The following CRAMP1 variants were observed in gnomAD, a reference collection of about 807,000 sequenced individuals.
The protein encoded by CRAMP1 is cramped chromatin regulator 1.
Under a neutral mutation model 115.4 loss-of-function variants are expected in CRAMP1, and 50 were observed. The ratio of observed to expected loss-of-function variants is 0.43; its 90% CI spans 0.35 to 0.55. The LOEUF is 0.55. Ranked by LOEUF, CRAMP1 falls within the 20% of genes least tolerant of loss-of-function variation. The probability of loss-of-function intolerance (pLI) is 0.01; values close to 1 mark genes in which losing one functional copy is unlikely to be tolerated. For missense variants in CRAMP1, 1,679 were observed against 1,721.7 expected (o/e 0.98, Z 0.44); for synonymous variants, 866 against 745.4 (o/e 1.16, Z -2.64).
chr16:1,645,154 G>A lies in CRAMP1; in HGVS notation c.827+3967G>A, dbSNP rs879788994. On this transcript the variant is annotated intron_variant, in intron 6 of 20. Coordinates refer to ENST00000397412, the MANE Select transcript of CRAMP1 (RefSeq NM_020825.4). ...GCTACGCCCCTCCCCTGCCCCACAC[G>A]ATTTCCCCCATTATTAACACTTCGT... Among the ~76,000 whole-genome samples, 8 of 151,856 alleles carry A rather than the reference G, an allele frequency of 5.3e-5. No homozygotes were observed. In the East Asian group the frequency reaches 9.7e-4, roughly 18 times the overall value.
At chr16:1,673,742 G>A in intron 20 of CRAMP1, 139 bp from the exon 21 acceptor site, 1 of 727,332 alleles carries the variant, frequency 1.4e-6, no homozygotes, top group South Asian at 1.7e-5. Flanking sequence ...ATTCTGCACA[G>A]AGCCCTGGGC....
Position 1,614,533 on chromosome 16 carries a change from G to C in CRAMP1, c.-1-106G>C, listed in dbSNP as rs1054305051. 3.2e-5 allele frequency: 20 copies of C among 627,320 alleles called. No homozygotes were observed. The highest frequency in any genetic ancestry group is 4.4e-5 in the Non-Finnish European group (20 of 458,392). The allele number at this position is 627,320 out of a possible 1,614,324, so 38.9% of individuals were successfully genotyped here. A position where few individuals can be genotyped will look rare whatever the true frequency, so the allele number is the denominator to read the frequency against. On this transcript the variant is annotated intron_variant, in intron 1 of 20. Coordinates refer to ENST00000397412, the MANE Select transcript of CRAMP1 (RefSeq NM_020825.4). This position sits in a 1 kb window ranked among gnomAD's most constrained non-coding sequence, Gnocchi z 4.4. ...GGCGGGCCGGGCCGAGCCGCCGAGAGGGGATTTGGAACAAACAACGGCGGC... is the reference window on the plus strand; with the variant it reads ...GGCGGGCCGGGCCGAGCCGCCGAGACGGGATTTGGAACAAACAACGGCGGC...
At chr16:1,655,770 C>T in intron 9 of CRAMP1, 107 bp from the exon 10 acceptor site, 4 of 1,282,450 alleles carry the variant, frequency 3.1e-6, no homozygotes, top group East Asian at 2.4e-5. Flanking sequence ...TGATTTATAC[C>T]CTGGGGGATG....
At chr16:1,665,259 A>T in intron 14 of CRAMP1, 121 bp downstream of exon 14, 1 of 713,050 alleles carries the variant, frequency 1.4e-6, no homozygotes, top group Admixed American at 2.1e-5. Context: ...TGTCCATTCT[A>T]CCGACAAATA....
At chr16:1,628,945 C>T (rs1263569685) in intron 3 of CRAMP1, among the ~76,000 whole-genome samples, 1 of 152,196 alleles carries the variant, frequency 6.6e-6, no homozygotes, top group Non-Finnish European at 1.5e-5. Flanking sequence ...CAGATTCGCG[C>T]CCGTCCAGTT....
chr16:1,661,947 A>G (rs1027707040), intron 11 of CRAMP1, among the ~76,000 whole-genome samples: 4 of 152,174 alleles, frequency 2.6e-5, no homozygotes, highest in African/African-American at 9.7e-5. Context: ...AGAGATTTAC[A>G]CCAGGGAGCA....
At chr16:1,647,783 G>C (rs576978152) in intron 6 of CRAMP1, among the ~76,000 whole-genome samples, 103 of 150,448 alleles carry the variant, frequency 6.8e-4, no homozygotes, top group Non-Finnish European at 1.3e-3. Flanking sequence ...AGCTACTCAT[G>C]GAGGGGTGTA....
rs368584488 is a variant in CRAMP1 at position 1,637,777 on chromosome 16, C to T, written c.695-47C>T. 1.9e-5 allele frequency: 19 copies of T among 983,328 alleles called. No individual in the cohort carries two copies. In the Admixed American group the frequency reaches 3.7e-4, roughly 19 times the overall value. The allele number at this position is 983,328 out of a possible 1,614,324, so 60.9% of individuals were successfully genotyped here. A position where few individuals can be genotyped will look rare whatever the true frequency, so the allele number is the denominator to read the frequency against. On this transcript the variant is annotated intron_variant, in intron 4 of 20. Coordinates refer to ENST00000397412, the MANE Select transcript of CRAMP1 (RefSeq NM_020825.4). ...TGGCTCTCACACCCAAGCCAGGCAG[C>T]GCCTCCTGTTCCCCTCTCTAAAGCC... is the stretch of plus-strand genomic sequence containing the variant.
Position 1,662,688 on chromosome 16 carries a change from G to C in CRAMP1, c.2595+17G>C. On this transcript the variant is annotated intron_variant, in intron 12 of 20. Transcript: ENST00000397412. ...TCCATCAGTGTGAGTGTGTGGGGCCGGGCCGCCCGCGTGCGAGCGTCCCCG... is the reference window on the plus strand; with the variant it reads ...TCCATCAGTGTGAGTGTGTGGGGCCCGGCCGCCCGCGTGCGAGCGTCCCCG... 6.2e-7 allele frequency: 1 copy of C among 1,613,834 alleles called. No homozygotes were observed. Among genetic ancestry groups the C allele is most frequent in the Non-Finnish European group, 8.5e-7 (1 of 1,179,820 alleles).
Position 1,669,213 on chromosome 16 carries a change from G to A in CRAMP1, c.3499+48G>A, listed in dbSNP as rs372607694. 4 of 1,432,240 alleles carry A rather than the reference G, an allele frequency of 2.8e-6. No individual in the cohort carries two copies. Among genetic ancestry groups the A allele is most frequent in the Non-Finnish European group, 9.4e-7 (1 of 1,065,976 alleles). 88.7% of individuals were successfully genotyped at this position (1,432,240 alleles called of 1,614,324 possible). ...CATCTCCTTTTCCAGGGCAGCAGGG[G>A]CTGGGGTCTGCGGGACACTGGATTC... is the stretch of plus-strand genomic sequence containing the variant. On this transcript the variant is annotated intron_variant, in intron 19 of 20. Coordinates refer to ENST00000397412, the MANE Select transcript of CRAMP1 (RefSeq NM_020825.4). This position sits in a 1 kb window ranked among gnomAD's most constrained non-coding sequence, Gnocchi z 4.6.
chr16:1,622,644 C>T (rs1376194181), intron 2 of CRAMP1, among the ~76,000 whole-genome samples: 1 of 152,168 alleles, frequency 6.6e-6, no homozygotes, highest in Non-Finnish European at 1.5e-5. Flanking sequence ...GACAAGGTCT[C>T]CCTGTGTGGC....
In CRAMP1 at chr16:1,676,659, A is replaced by G. The variant is rs1365818764; in HGVS notation, c.*2614A>G. On this transcript the variant is annotated 3_prime_UTR_variant, in exon 21 of 21. Coordinates refer to ENST00000397412, the MANE Select transcript of CRAMP1 (RefSeq NM_020825.4). ...GAAAAAGCTTTCCTGAATCCCTCTG[A>G]CGTTGCCTGGGATCTTTCTGTTGAT... is the stretch of plus-strand genomic sequence containing the variant. 6.6e-6 allele frequency: 1 copy of G among 152,246 alleles called. No homozygotes were observed. Among genetic ancestry groups the G allele is most frequent in the African/African-American group, 2.4e-5 (1 of 41,452 alleles). The allele number at this position is 152,246 out of a possible 1,614,324, so 9.4% of individuals were successfully genotyped here. A position where few individuals can be genotyped will look rare whatever the true frequency, so the allele number is the denominator to read the frequency against.
chr16:1,638,505 G>A (rs534596708), intron 5 of CRAMP1, among the ~76,000 whole-genome samples: 15 of 152,276 alleles, frequency 9.9e-5, no homozygotes, highest in East Asian at 3.9e-4. Flanking sequence ...GATTTGTTCC[G>A]ATCGTCTCCT....
In CRAMP1 at chr16:1,637,891, C is replaced by T; in HGVS notation, c.762C>T (p.Arg254=). ...LYGLICYGEL[R]KKIGGCMDDK... ...GCCTGATCTGCTATGGCGAGCTGCG[C>T]AAGAAGATTGGGGGCTGTGAGTACG... The change falls in exon 5 of 21, where the codon CGC becomes CGT. Residue 254 remains arginine (R), a synonymous_variant. Coordinates refer to ENST00000397412, the MANE Select transcript of CRAMP1 (RefSeq NM_020825.4). 1 of 1,553,066 alleles carries T rather than the reference C, an allele frequency of 6.4e-7. No individual in the cohort carries two copies. The highest frequency in any genetic ancestry group is 8.7e-7 in the Non-Finnish European group (1 of 1,149,944).
chr16:1,659,245 C>G (rs1290187391), intron 10 of CRAMP1, among the ~76,000 whole-genome samples: 1 of 152,232 alleles, frequency 6.6e-6, no homozygotes, highest in Non-Finnish European at 1.5e-5. Context: ...CATCCGGCAC[C>G]TCTTCCTGCA....
chr16:1,665,103 G>C lies in CRAMP1; in HGVS notation c.2717G>C (p.Cys906Ser). 1 of 1,613,454 alleles carries C rather than the reference G, an allele frequency of 6.2e-7. No homozygotes were observed. Among genetic ancestry groups the C allele is most frequent in the Non-Finnish European group, 8.5e-7 (1 of 1,179,408 alleles). ...TCGGAAAACCAGTCCCACAACGTTT[G>C]TTCCTTCTCCATCCTGTCTAACTCT... ...RPSENQSHNV[C>S]SFSILSNSSV... The change falls in exon 14 of 21, where the codon TGT becomes TCT. Residue 906 changes from cysteine to serine, a missense_variant. Cys to Ser is a moderately radical substitution (Grantham distance 112, BLOSUM62 -1). This residue lies in a region of CRAMP1 where 709 missense variants were observed against 741.9 expected (regional missense o/e 0.96). Transcript: ENST00000397412.
chr16:1,619,327 C>T (rs934230469), intron 2 of CRAMP1, among the ~76,000 whole-genome samples: 1 of 152,150 alleles, frequency 6.6e-6, no homozygotes, highest in African/African-American at 2.4e-5. Flanking sequence ...ACTACAGGCG[C>T]ATGCTGCTAC....
At chr16:1,624,563 C>T (rs919472322) in intron 2 of CRAMP1, among the ~76,000 whole-genome samples, 9 of 151,644 alleles carry the variant, frequency 5.9e-5, no homozygotes, top group Non-Finnish European at 1.3e-4. Flanking sequence ...GGACTACAGG[C>T]GTGCACCACC....
intron 2 of CRAMP1, among the ~76,000 whole-genome samples, chr16:1,624,178 A>T: frequency 6.8e-6 from 1 of 147,278 alleles, no homozygotes; most frequent in Middle Eastern, 3.5e-3. Flanking sequence ...TTTAAGCCTG[A>T]GTCTCACTCT....
Sources: gnomAD v4.1 joint callset for allele counts (sites outside exome capture counted in the v4.1 genomes callset) on GRCh38, gnomAD v4.1.1 for gene constraint, gnomAD v4.1.1 regional missense constraint, Gnocchi (gnomAD v3.1) non-coding constraint, MANE v1.5 for transcripts, NCBI Gene and HGNC (gene_info 2026-07-23, HGNC 2026-07-21) for gene names.